AKAP10: variants seen among roughly 807,000 people sequenced by gnomAD.
The protein encoded by AKAP10 is A-kinase anchoring protein 10, also known as A-kinase anchor protein 10, mitochondrial.
Under a neutral mutation model 80.8 loss-of-function variants are expected in AKAP10, and 24 were observed. The observed-to-expected ratio is 0.30, with a 90% CI of 0.22 to 0.42. The LOEUF (loss-of-function observed/expected upper bound fraction) is 0.42, where lower values mean the gene tolerates loss of function less well. Among genes scored for constraint, AKAP10 ranks in the 10% least tolerant of loss-of-function variants. The pLI, the probability that AKAP10 is intolerant of heterozygous loss-of-function variation, is 1.00. For synonymous variants in AKAP10, 291 were observed against 277.7 expected, an observed-to-expected ratio of 1.05 and a Z score of -0.48; for missense variants, 661 against 794.9, an observed-to-expected ratio of 0.83 and a Z score of 2.03.
chr17:19,906,615 A>G (rs1473885084), intron 14 of AKAP10, among the ~76,000 whole-genome samples: 2 of 152,106 alleles, frequency 1.3e-5, no homozygotes, highest in Non-Finnish European at 2.9e-5. Flanking sequence ...ACATTCACTG[A>G]CTCCCTCCTG....
rs34802640 is a variant in AKAP10, at chr17:19,968,201, CAAAAAAAAAAAAA to C, written c.136+200_136+212del. The stretch of plus-strand genomic sequence containing the variant: ...GGGTAACAGAGCAAGACTCCGTCTC[CAAAAAAAAAAAAA>C]AAAAAAAAGCCTACTTATTATATGC... On this transcript the variant is annotated intron_variant, in intron 2 of 14. Transcript: ENST00000225737. Among the ~76,000 whole-genome samples, 28 of 68,912 alleles carry C rather than the reference CAAAAAAAAAAAAA, an allele frequency of 4.1e-4. 1 individual carries two copies. In the Admixed American group the frequency reaches 4.9e-3, roughly 12 times the overall value. The allele number at this position is 68,912 out of a possible 152,430, so 45.2% of individuals were successfully genotyped here.
chr17:19,934,913 G>A (rs1157088943), intron 9 of AKAP10, among the ~76,000 whole-genome samples: 2 of 152,180 alleles, frequency 1.3e-5, no homozygotes, highest in Non-Finnish European at 2.9e-5. Context: ...TTGGGAGGAT[G>A]AGGCAGGATA....
intron 4 of AKAP10, among the ~76,000 whole-genome samples, chr17:19,948,338 AAAG>A (rs55690141): frequency 0.21 from 31,751 of 151,904 alleles, 3,562 homozygotes; most frequent in Middle Eastern, 0.28. Context: ...CCAGATGCAC[AAAG>A]AAGAAGTTCC....
chr17:19,936,163 A>G lies in AKAP10; in HGVS notation c.1467+123T>C, dbSNP rs1177830227. 11 of 1,162,848 alleles carry G rather than the reference A, an allele frequency of 9.5e-6. No individual in the cohort carries two copies. The East Asian group carries it at 2.9e-4, about 30-fold the overall frequency. The allele number at this position is 1,162,848 out of a possible 1,614,324, so 72.0% of individuals were successfully genotyped here. On this transcript the variant is annotated intron_variant, in intron 9 of 14. Coordinates refer to ENST00000225737, the MANE Select transcript of AKAP10 (RefSeq NM_007202.4). ...GGCCAGACTCAAGGCCTCTGCTCTT[A>G]ATCACTTTGCTGGACTGCTTCAATT...
Position 19,946,234 on chromosome 17 carries a change from ATATTATATATATAT to A in AKAP10, c.976+1159_976+1172del, listed in dbSNP as rs1290307493. Among the ~76,000 whole-genome samples, 58 of 17,254 alleles carry A rather than the reference ATATTATATATATAT, an allele frequency of 3.4e-3. 4 individuals carry two copies. The highest frequency in any genetic ancestry group is 0.01 in the African/African-American group (57 of 5,620). The allele number at this position is 17,254 out of a possible 152,430, so 11.3% of individuals were successfully genotyped here. ...ATATATATATATTTTATATATATAT[ATATTATATATATAT>A]ATATATATATATATATATATATATA... On this transcript the variant is annotated intron_variant, in intron 5 of 14. Coordinates refer to ENST00000225737, the MANE Select transcript of AKAP10 (RefSeq NM_007202.4).
chr17:19,925,369 C>A (rs2042865100), intron 10 of AKAP10, among the ~76,000 whole-genome samples: 1 of 151,918 alleles, frequency 6.6e-6, no homozygotes, highest in South Asian at 2.1e-4. Context: ...CTTGGTGAGG[C>A]CATATGACAA....
chr17:19,970,169 T>C (rs748247563), intron 1 of AKAP10, among the ~76,000 whole-genome samples: 1 of 152,168 alleles, frequency 6.6e-6, no homozygotes, highest in Non-Finnish European at 1.5e-5. Context: ...CCCAAACCTG[T>C]TCCTACCTCA....
intron 2 of AKAP10, among the ~76,000 whole-genome samples, chr17:19,964,024 T>C (rs1476473202): frequency 3.3e-5 from 5 of 152,182 alleles, no homozygotes; most frequent in African/African-American, 1.2e-4. Flanking sequence ...TCAATAATAG[T>C]TGTGGGAATT....
At chr17:19,948,708 G>A (rs2043164655) in intron 4 of AKAP10, among the ~76,000 whole-genome samples, 1 of 152,112 alleles carries the variant, frequency 6.6e-6, no homozygotes. Context: ...AAAAGAAGGA[G>A]CCCATGAAAA....
chr17:19,940,845 T>C (rs2043044278), intron 7 of AKAP10, 42 bp downstream of exon 7: 2 of 1,545,954 alleles, frequency 1.3e-6, no homozygotes, highest in African/African-American at 2.8e-5. Context: ...AGTTAGAGGC[T>C]GGAATGCTCG....
At chr17:19,948,216 G>A (rs1296335249) in intron 4 of AKAP10, among the ~76,000 whole-genome samples, 1 of 152,108 alleles carries the variant, frequency 6.6e-6, no homozygotes, top group Non-Finnish European at 1.5e-5. Context: ...ATGCATCCAA[G>A]GACTTGGAAG....
intron 2 of AKAP10, among the ~76,000 whole-genome samples, chr17:19,963,827 C>T (rs1276775892): frequency 6.6e-6 from 1 of 151,310 alleles, no homozygotes; most frequent in Non-Finnish European, 1.5e-5. Flanking sequence ...ATCTGGGAGG[C>T]GAAGGTTGCA....
At chr17:19,927,091 C>T (rs2042882669) in intron 10 of AKAP10, among the ~76,000 whole-genome samples, 1 of 152,186 alleles carries the variant, frequency 6.6e-6, no homozygotes, top group African/African-American at 2.4e-5. Flanking sequence ...AATCCCAGCA[C>T]TCTGGGAGGC....
At chr17:19,929,593 A>C (rs1409546642) in intron 10 of AKAP10, 4 of 152,090 alleles carry the variant, frequency 2.6e-5, no homozygotes, top group Non-Finnish European at 5.9e-5. Context: ...AGGTTATGAT[A>C]AGTGCAGTTT....
At chr17:19,909,358 G>A in intron 13 of AKAP10, 82 bp from the exon 14 acceptor site, 1 of 1,200,390 alleles carries the variant, frequency 8.3e-7, no homozygotes, top group South Asian at 1.4e-5. Flanking sequence ...CTTAACAAAT[G>A]GCTTACGCAC....
intron 12 of AKAP10, among the ~76,000 whole-genome samples, chr17:19,915,885 A>G (rs2042737559): frequency 6.6e-6 from 1 of 152,194 alleles, no homozygotes; most frequent in Non-Finnish European, 1.5e-5. Context: ...CACTAAACAT[A>G]AAACAAAAAC....
intron 1 of AKAP10, among the ~76,000 whole-genome samples, chr17:19,974,462 T>C (rs996434476): frequency 6.6e-6 from 1 of 152,098 alleles, no homozygotes; most frequent in African/African-American, 2.4e-5. Flanking sequence ...CTCAAGACAA[T>C]TCTTCTTCCA....
chr17:19,943,991 T>G (rs904162363), intron 5 of AKAP10, among the ~76,000 whole-genome samples: 1 of 152,076 alleles, frequency 6.6e-6, no homozygotes, highest in African/African-American at 2.4e-5. Flanking sequence ...AAACTGAGTT[T>G]TTTTTTTTTC....
chr17:19,946,234 A>AT (rs2043111870), intron 5 of AKAP10, among the ~76,000 whole-genome samples: 5 of 17,254 alleles, frequency 2.9e-4, no homozygotes, highest in African/African-American at 7.1e-4. Context: ...ATATATATAT[A>AT]TATTATATAT....
Sources: gnomAD v4.1 joint callset for allele counts (sites outside exome capture counted in the v4.1 genomes callset) on GRCh38, gnomAD v4.1.1 for gene constraint, MANE v1.5 for transcripts, NCBI Gene and HGNC (gene_info 2026-07-23, HGNC 2026-07-21) for gene names.